The following GALNT13 variants were observed in gnomAD, a reference collection of about 807,000 sequenced individuals.
GALNT13 encodes the protein polypeptide N-acetylgalactosaminyltransferase 13.
Under a neutral mutation model 64.2 loss-of-function variants are expected in GALNT13, and 28 were observed. The ratio of observed to expected loss-of-function variants is 0.44; its 90% CI spans 0.32 to 0.60. The LOEUF is 0.60. Ranked by LOEUF, GALNT13 falls within the 20% of genes least tolerant of loss-of-function variation. The pLI, the probability that GALNT13 is intolerant of heterozygous loss-of-function variation, is 0.05. For missense variants in GALNT13, 577 were observed against 669.8 expected (o/e 0.86, Z 1.53); for synonymous variants, 214 against 224.6 (o/e 0.95, Z 0.42).
the GALNT13 span, among the ~76,000 whole-genome samples, chr2:153,528,202 CA>C: frequency 5.3e-5 from 8 of 151,446 alleles, no homozygotes; most frequent in Non-Finnish European, 3.0e-5. Context: ...CTATAAAAAA[CA>C]TACATAAACT....
the GALNT13 span, chr2:153,337,759 G>A: frequency 1.3e-5 from 2 of 152,220 alleles, no homozygotes; most frequent in Non-Finnish European, 2.9e-5. Context: ...CCTCAGGACT[G>A]AGCAGAAAGA....
At chr2:154,379,669 G>A (rs1698173525) in intron 9 of GALNT13, among the ~76,000 whole-genome samples, 1 of 151,904 alleles carries the variant, frequency 6.6e-6, no homozygotes. Context: ...ACTCAGCATT[G>A]GTTTATTGTC....
chr2:153,565,952 T>C, the GALNT13 span, among the ~76,000 whole-genome samples: 1 of 152,300 alleles, frequency 6.6e-6, no homozygotes, highest in South Asian at 2.1e-4. Flanking sequence ...AAAAAATGTG[T>C]AGTGAAATAA....
chr2:153,446,171 A>T, the GALNT13 span, among the ~76,000 whole-genome samples: 7 of 152,166 alleles, frequency 4.6e-5, no homozygotes, highest in African/African-American at 1.7e-4. Context: ...ATTTAGGGGT[A>T]GGAGTTAGGC....
At chr2:154,239,729 A>G (rs1418578295) in intron 4 of GALNT13, among the ~76,000 whole-genome samples, 1 of 152,180 alleles carries the variant, frequency 6.6e-6, no homozygotes, top group Non-Finnish European at 1.5e-5. Context: ...ATGCTTAATA[A>G]ATCTTTTTCA....
the GALNT13 span, among the ~76,000 whole-genome samples, chr2:153,299,676 A>C: frequency 6.6e-6 from 1 of 152,228 alleles, no homozygotes; most frequent in Non-Finnish European, 1.5e-5. Flanking sequence ...GCTTGTGGAC[A>C]CAATCAATAC....
At chr2:153,185,162 A>T in the GALNT13 span, among the ~76,000 whole-genome samples, 2 of 152,050 alleles carry the variant, frequency 1.3e-5, no homozygotes, top group East Asian at 3.9e-4. Flanking sequence ...CTGTTCAGGG[A>T]TTTAAGTTCT....
At chr2:154,348,217 G>A (rs918320328) in intron 9 of GALNT13, among the ~76,000 whole-genome samples, 23 of 152,124 alleles carry the variant, frequency 1.5e-4, no homozygotes, top group African/African-American at 5.5e-4. Flanking sequence ...CTTAACCACT[G>A]TGCAATCCTG....
chr2:154,186,872 A>G (rs569053809), intron 4 of GALNT13, among the ~76,000 whole-genome samples: 5 of 152,120 alleles, frequency 3.3e-5, no homozygotes, highest in Non-Finnish European at 5.9e-5. Context: ...GAAGCATTCT[A>G]TCATTGCTTC....
chr2:153,971,702 A>G (rs1693753766), intron 3 of GALNT13, among the ~76,000 whole-genome samples: 1 of 152,132 alleles, frequency 6.6e-6, no homozygotes, highest in African/African-American at 2.4e-5. Flanking sequence ...TGCTTTTATG[A>G]TGTAATTTTA....
chr2:153,408,521 G>A, the GALNT13 span, among the ~76,000 whole-genome samples: 3 of 152,118 alleles, frequency 2.0e-5, no homozygotes, highest in African/African-American at 7.2e-5. Context: ...TTCTTACTTT[G>A]GCAATCAAAA....
chr2:153,319,259 C>T, the GALNT13 span, among the ~76,000 whole-genome samples: 5 of 152,222 alleles, frequency 3.3e-5, no homozygotes, highest in South Asian at 2.1e-4. Context: ...GTGTCATTTT[C>T]GCTATTGTAT....
At chr2:153,298,765 C>G in the GALNT13 span, among the ~76,000 whole-genome samples, 5 of 152,100 alleles carry the variant, frequency 3.3e-5, no homozygotes, top group African/African-American at 9.7e-5. Flanking sequence ...CAAGGAATAA[C>G]TTATGAAAAC....
the GALNT13 span, among the ~76,000 whole-genome samples, chr2:153,382,509 C>G: frequency 6.6e-6 from 1 of 151,988 alleles, no homozygotes; most frequent in Non-Finnish European, 1.5e-5. Flanking sequence ...TGATTTCATT[C>G]TTTTTTATGG....
chr2:153,475,520 A>G, the GALNT13 span, among the ~76,000 whole-genome samples: 3 of 152,232 alleles, frequency 2.0e-5, no homozygotes, highest in African/African-American at 7.2e-5. Flanking sequence ...TAGAGAAGAT[A>G]GAGGTCTTCA....
At chr2:154,000,653 A>G (rs538054886) in intron 3 of GALNT13, among the ~76,000 whole-genome samples, 1 of 152,080 alleles carries the variant, frequency 6.6e-6, no homozygotes, top group East Asian at 1.9e-4. Flanking sequence ...AGAAAATATA[A>G]TGGATATGAT....
At chr2:153,648,910 A>G in the GALNT13 span, among the ~76,000 whole-genome samples, 1 of 152,054 alleles carries the variant, frequency 6.6e-6, no homozygotes, top group African/African-American at 2.4e-5. Context: ...TCATAGGGAT[A>G]TTGGTCTAAA....
rs140888182 is a variant in GALNT13 at position 154,370,790 on chromosome 2, C to A, written c.1157-25201C>A. 2.8e-4 allele frequency among the ~76,000 whole-genome samples: 43 copies of A among 152,088 alleles called. No individual in the cohort carries two copies. In the East Asian group the frequency reaches 6.4e-3, roughly 23 times the overall value. ...TAAGAGTTATAGATAATATTTAAAT[C>A]CATGTAACAATTTGAAAATTATAGC... On this transcript the variant is annotated intron_variant, in intron 9 of 12. Coordinates refer to ENST00000392825, the MANE Select transcript of GALNT13 (RefSeq NM_052917.4).
At chr2:153,181,798 A>G in the GALNT13 span, among the ~76,000 whole-genome samples, 2 of 145,982 alleles carry the variant, frequency 1.4e-5, no homozygotes, top group African/African-American at 5.0e-5. Context: ...TATTATATAA[A>G]TATACTTACA....
Sources: allele counts gnomAD v4.1 joint callset (sites outside exome capture counted in the v4.1 genomes callset), GRCh38; gene constraint gnomAD v4.1.1; transcripts MANE v1.5; gene names NCBI Gene and HGNC (gene_info 2026-07-23, HGNC 2026-07-21).